The following HTRA1 variants were observed in gnomAD, a reference collection of about 807,000 sequenced individuals.
The protein encoded by HTRA1 is HtrA serine peptidase 1, also known as serine protease HTRA1.
HTRA1 carries 26 observed loss-of-function variants against 49.7 expected under a neutral mutation model. The ratio of observed to expected loss-of-function variants is 0.52; its 90% confidence interval spans 0.38 to 0.73. HTRA1 has a LOEUF of 0.73. Among genes scored for constraint, HTRA1 ranks in the 30% least tolerant of loss-of-function variants. The probability of loss-of-function intolerance (pLI) is 0.00; values close to 1 mark genes in which losing one functional copy is unlikely to be tolerated. For missense variants in HTRA1, 561 were observed against 667.2 expected (o/e 0.84, Z 1.75); for synonymous variants, 291 against 286.9 (o/e 1.01, Z -0.14).
In HTRA1 at chr10:122,494,664, G is replaced by A. The variant is rs2246731; in HGVS notation, c.777+5038G>A. Among the ~76,000 whole-genome samples, 125,234 of 151,880 alleles carry A rather than the reference G, an allele frequency of 0.82. 52,135 individuals carry two copies. Among genetic ancestry groups the A allele is most frequent in the Non-Finnish European group, 0.89 (60,279 of 67,976 alleles). The stretch of plus-strand genomic sequence containing the variant: ...CCTGCGCCACCCCCCCAACCCCACG[G>A]CCACCTTTGGGCCAGATGGCACCCA... On this transcript the variant is annotated intron_variant, in intron 3 of 8. Transcript: ENST00000368984. This position sits in a 1 kb window ranked among gnomAD's most constrained non-coding sequence, Gnocchi z 4.0.
intron 3 of HTRA1, among the ~76,000 whole-genome samples, chr10:122,500,620 GT>G (rs1047163343): frequency 1.4e-4 from 21 of 152,198 alleles, no homozygotes; most frequent in African/African-American, 5.1e-4. Flanking sequence ...GTGTGTGCGT[GT>G]GTGTGCATGT....
intron 5 of HTRA1, 85 bp downstream of exon 5, chr10:122,507,487 T>C (rs991005367): frequency 4.4e-5 from 48 of 1,081,378 alleles, no homozygotes; most frequent in Non-Finnish European, 6.9e-5. Context: ...TGTTTGTTTG[T>C]TTTTGAGGCA....
Position 122,488,967 on chromosome 10 carries a change from G to T in HTRA1, c.538G>T (p.Ala180Ser). 1 of 1,613,998 alleles carries T rather than the reference G, an allele frequency of 6.2e-7. No homozygotes were observed. The highest frequency in any genetic ancestry group is 8.5e-7 in the Non-Finnish European group (1 of 1,179,876). Residue 180 changes from alanine (A) to serine (S), a missense_variant, in exon 2 of 9, where the codon GCC (alanine) becomes TCC (serine). Physicochemically the swap from Ala to Ser is moderately conservative, Grantham distance 99 (BLOSUM62 1). Around this residue, in one of 3 missense-constraint regions of HTRA1, gnomAD observed 271 missense variants for 410.0 expected, o/e 0.66. Coordinates refer to ENST00000368984, the MANE Select transcript of HTRA1 (RefSeq NM_002775.5). The stretch of plus-strand genomic sequence containing the variant: ...TATCGCGGACGTGGTGGAGAAGATC[G>T]CCCCTGCCGTGGTTCATATCGAATT... ...NFIADVVEKI[A>S]PAVVHIELFR...
At chr10:122,465,990 T>C (rs961891772) in intron 1 of HTRA1, among the ~76,000 whole-genome samples, 1 of 152,098 alleles carries the variant, frequency 6.6e-6, no homozygotes, top group South Asian at 2.1e-4. Flanking sequence ...CCAGACAAGC[T>C]TGGAGGTCTG....
chr10:122,509,401 T>G (rs1482778833), intron 6 of HTRA1, among the ~76,000 whole-genome samples: 1 of 152,180 alleles, frequency 6.6e-6, no homozygotes, highest in African/African-American at 2.4e-5. Context: ...AGCTGAGGTC[T>G]GAGTGAGGAG....
In HTRA1 at chr10:122,510,150, C is replaced by T. The variant is rs1157662687; in HGVS notation, c.1175C>T (p.Ser392Phe). ...YIGIRMMSLT[S>F]SKAKELKDRH... ...GGTATCCGAATGATGTCACTCACGTCCAGGTGGGTAAACAGGATGCGTGTC... is the reference window on the plus strand; with the variant it reads ...GGTATCCGAATGATGTCACTCACGTTCAGGTGGGTAAACAGGATGCGTGTC... Residue 392 changes from serine to phenylalanine, a missense_variant, in exon 7 of 9, where the codon TCC (serine) becomes TTC (phenylalanine). Transcript: ENST00000368984. 1 of 1,613,316 alleles carries T rather than the reference C, an allele frequency of 6.2e-7. No homozygotes were observed. The highest frequency in any genetic ancestry group is 8.5e-7 in the Non-Finnish European group (1 of 1,179,248).
intron 3 of HTRA1, among the ~76,000 whole-genome samples, chr10:122,497,633 G>C (rs1565428128): frequency 6.6e-6 from 1 of 152,186 alleles, no homozygotes; most frequent in Non-Finnish European, 1.5e-5. Context: ...CCTATAGACA[G>C]CTGAAAAGCA....
At chr10:122,466,368 C>T (rs373046568) in intron 1 of HTRA1, among the ~76,000 whole-genome samples, 1 of 152,068 alleles carries the variant, frequency 6.6e-6, no homozygotes, top group Non-Finnish European at 1.5e-5. Flanking sequence ...GGGGTTTCAC[C>T]GTGTTAGCCA....
intron 3 of HTRA1, 48 bp downstream of exon 3, chr10:122,489,674 C>T (rs747881739): frequency 4.5e-6 from 7 of 1,551,912 alleles, no homozygotes; most frequent in Non-Finnish European, 6.2e-6. Flanking sequence ...TGCCCCGGAA[C>T]ACCCTTGGCA....
chr10:122,476,184 G>A (rs932456020), intron 1 of HTRA1, among the ~76,000 whole-genome samples: 2 of 152,150 alleles, frequency 1.3e-5, no homozygotes, highest in Non-Finnish European at 2.9e-5. Context: ...AGGAGGAAGC[G>A]CTCTGTGTTT....
intron 8 of HTRA1, among the ~76,000 whole-genome samples, chr10:122,513,160 C>G (rs1042840041): frequency 3.3e-5 from 5 of 152,016 alleles, no homozygotes; most frequent in African/African-American, 1.2e-4. Flanking sequence ...GTTTGCAGAC[C>G]CTTGTGCTAG....
At chr10:122,481,320 C>A (rs1004958136) in intron 1 of HTRA1, among the ~76,000 whole-genome samples, 2 of 152,110 alleles carry the variant, frequency 1.3e-5, no homozygotes, top group Non-Finnish European at 2.9e-5. Context: ...TTAACCTGAA[C>A]AAAATGATTA....
chr10:122,480,373 G>A (rs1472731307), intron 1 of HTRA1, among the ~76,000 whole-genome samples: 1 of 152,212 alleles, frequency 6.6e-6, no homozygotes, highest in African/African-American at 2.4e-5. Context: ...AGGGAGAAGG[G>A]ACAAGGGACA....
intron 3 of HTRA1, among the ~76,000 whole-genome samples, chr10:122,501,064 G>A (rs1313992902): frequency 6.6e-6 from 1 of 152,128 alleles, no homozygotes; most frequent in Admixed American, 6.5e-5. Context: ...TGGAGGTTGG[G>A]GTCAGGGAGG....
chr10:122,501,163 A>G (rs974213839), intron 3 of HTRA1, among the ~76,000 whole-genome samples: 4 of 152,158 alleles, frequency 2.6e-5, no homozygotes, highest in Admixed American at 6.5e-5. Context: ...GCCCATCCAC[A>G]GGGTGGTGGG....
intron 7 of HTRA1, 137 bp downstream of exon 7, chr10:122,510,290 C>T (rs1032192426): frequency 7.9e-6 from 6 of 758,562 alleles, no homozygotes; most frequent in South Asian, 2.9e-5. Flanking sequence ...GAAGTAGCAT[C>T]GGGAAAGAGG....
intron 3 of HTRA1, among the ~76,000 whole-genome samples, chr10:122,497,166 G>A (rs2097499058): frequency 1.3e-5 from 2 of 152,280 alleles, no homozygotes; most frequent in Admixed American, 1.3e-4. Context: ...GTTAAACAAA[G>A]CACCAGAATC....
At chr10:122,512,126 A>G (rs2097505932) in intron 8 of HTRA1, 61 bp downstream of exon 8, 1 of 1,176,298 alleles carries the variant, frequency 8.5e-7, no homozygotes, top group East Asian at 2.4e-5. Context: ...GGGTAGCAGG[A>G]AGAGGGAGCG....
chr10:122,474,064 G>A (rs1423167331), intron 1 of HTRA1, among the ~76,000 whole-genome samples: 2 of 152,190 alleles, frequency 1.3e-5, no homozygotes, highest in East Asian at 3.8e-4. Flanking sequence ...GGAAGAAACT[G>A]TAGCACCTGA....
Sources: gnomAD v4.1 joint callset for allele counts (sites outside exome capture counted in the v4.1 genomes callset) on GRCh38, gnomAD v4.1.1 for gene constraint, gnomAD v4.1.1 regional missense constraint, Gnocchi (gnomAD v3.1) non-coding constraint, MANE v1.5 for transcripts, NCBI Gene and HGNC (gene_info 2026-07-23, HGNC 2026-07-21) for gene names.